The following PSD3 variants were observed in gnomAD, a reference collection of about 807,000 sequenced individuals.
PSD3 encodes the protein PH and SEC7 domain-containing protein 3.
Under a neutral mutation model 105.5 loss-of-function variants are expected in PSD3, and 49 were observed. The observed-to-expected ratio is 0.46, with a 90% confidence interval of 0.37 to 0.59. PSD3 has a LOEUF of 0.59. Ranked by LOEUF, PSD3 falls within the 20% of genes least tolerant of loss-of-function variation. The pLI, the probability that PSD3 is intolerant of heterozygous loss-of-function variation, is 0.00. For missense variants in PSD3, 1,561 were observed against 1,263.8 expected (o/e 1.24, Z -3.57); for synonymous variants, 557 against 457.8 (o/e 1.22, Z -2.77).
At chr8:18,745,353 C>G (rs919594169) in intron 9 of PSD3, among the ~76,000 whole-genome samples, 10 of 152,286 alleles carry the variant, frequency 6.6e-5, no homozygotes, top group African/African-American at 2.4e-4. Context: ...AAACCTGTCC[C>G]TTCTCCACAA....
chr8:19,079,976 A>G (rs943418252), intron 1 of PSD3, among the ~76,000 whole-genome samples: 2 of 145,306 alleles, frequency 1.4e-5, no homozygotes, highest in African/African-American at 5.1e-5. Flanking sequence ...TACAACCTCC[A>G]CCTTCTGGGT....
exon 1 of PSD3, chr8:19,084,631 C>A (rs1829751571): frequency 2.9e-6 from 1 of 348,878 alleles, no homozygotes; most frequent in African/African-American, 2.1e-5. Context: ...GATCTGCAAT[C>A]ACCACCCCTG....
At chr8:18,902,128 C>T (rs1005669891) in intron 2 of PSD3, among the ~76,000 whole-genome samples, 1 of 152,172 alleles carries the variant, frequency 6.6e-6, no homozygotes, top group Non-Finnish European at 1.5e-5. Flanking sequence ...GTTATTATTT[C>T]ATTAAATATG....
intron 10 of PSD3, among the ~76,000 whole-genome samples, chr8:18,643,139 T>C (rs1399715754): frequency 1.3e-5 from 2 of 152,188 alleles, no homozygotes; most frequent in African/African-American, 2.4e-5. Context: ...TCAAGGGTCC[T>C]GAATCTGATG....
intron 9 of PSD3, among the ~76,000 whole-genome samples, chr8:18,697,485 A>G (rs777402449): frequency 2.1e-4 from 32 of 152,356 alleles, no homozygotes; most frequent in African/African-American, 6.3e-4. Context: ...TCTTTTATAT[A>G]CAGTATTAAG....
chr8:18,976,041 C>G (rs1049156492), intron 1 of PSD3, among the ~76,000 whole-genome samples: 1 of 152,220 alleles, frequency 6.6e-6, no homozygotes, highest in African/African-American at 2.4e-5. Context: ...TAAATGGATG[C>G]TCTTGACAGC....
chr8:18,896,313 C>CT (rs1328456392), intron 2 of PSD3, among the ~76,000 whole-genome samples: 3 of 152,142 alleles, frequency 2.0e-5, no homozygotes, highest in Non-Finnish European at 4.4e-5. Flanking sequence ...TACTGATTTC[C>CT]TTTTTTCTGG....
intron 1 of PSD3, among the ~76,000 whole-genome samples, chr8:19,052,431 C>G (rs1828561739): frequency 6.7e-6 from 1 of 149,916 alleles, no homozygotes; most frequent in Non-Finnish European, 1.5e-5. Flanking sequence ...GAGATCGCAC[C>G]ACTGCACTCC....
At chr8:18,572,738 T>C in intron 13 of PSD3, 66 bp from the exon 14 acceptor site, 1 of 1,542,878 alleles carries the variant, frequency 6.5e-7, no homozygotes, top group Non-Finnish European at 8.8e-7. Flanking sequence ...ACTTTGCCTA[T>C]TTCACGTTAC....
chr8:19,039,623 C>CT (rs1288632591), intron 1 of PSD3, among the ~76,000 whole-genome samples: 1 of 152,222 alleles, frequency 6.6e-6, no homozygotes, highest in Non-Finnish European at 1.5e-5. Flanking sequence ...CCTCCCAACC[C>CT]TTCACACCTG....
chr8:19,063,315 G>A lies in PSD3; in HGVS notation c.324+20891C>T, dbSNP rs565585569. Among the ~76,000 whole-genome samples the A allele has an allele frequency of 2.6e-5, 4 of 152,290 alleles. No individual in the cohort carries two copies. The South Asian group carries it at 8.3e-4, about 32-fold the overall frequency. On this transcript the variant is annotated intron_variant, in intron 1 of 1. Coordinates refer to the PSD3 transcript ENST00000521475. ...TAACCAAAATATTTCAATTTTAACT[G>A]TCATTGTTAAAATCATCTTTTGAAA...
intron 4 of PSD3, among the ~76,000 whole-genome samples, chr8:18,821,115 T>G (rs1812661085): frequency 6.6e-6 from 1 of 152,158 alleles, no homozygotes; most frequent in Non-Finnish European, 1.5e-5. Context: ...GGTCATGACA[T>G]TCAAACAATG....
At position 18,872,113 on chromosome 8, in the gene PSD3, C is replaced by T. The variant is rs754029101; in HGVS notation, c.751G>A (p.Ala251Thr). Residue 251 changes from alanine (A) to threonine (T), a missense_variant, in exon 3 of 16, where the codon GCC (alanine) becomes ACC (threonine). Physicochemically the swap from Ala to Thr is moderately conservative, Grantham distance 58 (BLOSUM62 0). Coordinates refer to ENST00000327040, the MANE Select transcript of PSD3 (RefSeq NM_015310.4). ...GTCACTGCTGAGCTCCCGAGGGAGG[C>T]CAAAGGACAAGATGGCTCCTGCACA... ...VCVQEPSCPL[A>T]SLGSSAVTCH... 6.2e-7 allele frequency: 1 copy of T among 1,614,050 alleles called. No homozygotes were observed. The highest frequency in any genetic ancestry group is 8.5e-7 in the Non-Finnish European group (1 of 1,179,998).
chr8:18,606,458 T>C (rs572281709), intron 11 of PSD3, among the ~76,000 whole-genome samples: 34 of 152,236 alleles, frequency 2.2e-4, no homozygotes, highest in Non-Finnish European at 4.3e-4. Context: ...ATAAAAGTTA[T>C]CTAAAAATAT....
At chr8:18,697,596 T>A (rs923937434) in intron 9 of PSD3, among the ~76,000 whole-genome samples, 2 of 152,192 alleles carry the variant, frequency 1.3e-5, no homozygotes, top group Non-Finnish European at 2.9e-5. Context: ...AGAAACAAAA[T>A]GCTTTAAATG....
intron 1 of PSD3, among the ~76,000 whole-genome samples, chr8:18,954,874 C>A (rs1330830256): frequency 1.3e-5 from 2 of 152,270 alleles, no homozygotes; most frequent in Non-Finnish European, 2.9e-5. Context: ...CAACATTAAT[C>A]TTTCCACCCT....
chr8:19,047,539 C>A (rs890519), intron 1 of PSD3, among the ~76,000 whole-genome samples: 60,880 of 151,768 alleles, frequency 0.4, 12,482 homozygotes, highest in Middle Eastern at 0.46. Flanking sequence ...GAGGAAAGGA[C>A]AAAGAAGAGG....
chr8:18,935,921 G>T, intron 2 of PSD3, 113 bp downstream of exon 2: 1 of 624,258 alleles, frequency 1.6e-6, no homozygotes, highest in Admixed American at 2.5e-5. Flanking sequence ...AATAATTAGG[G>T]AAAGCAGGTT....
chr8:18,639,341 T>A (rs530984417), intron 10 of PSD3, among the ~76,000 whole-genome samples: 1 of 152,280 alleles, frequency 6.6e-6, no homozygotes, highest in South Asian at 2.1e-4. Context: ...TTTCAGATGG[T>A]CTTACTTGCT....
Sources: allele counts gnomAD v4.1 joint callset (sites outside exome capture counted in the v4.1 genomes callset), GRCh38; gene constraint gnomAD v4.1.1; transcripts MANE v1.5; gene names NCBI Gene and HGNC (gene_info 2026-07-23, HGNC 2026-07-21).